P4HA1: variants seen among roughly 807,000 people sequenced by gnomAD.
P4HA1 encodes the protein prolyl 4-hydroxylase subunit alpha-1.
In P4HA1, 24 loss-of-function variants were observed where a neutral mutation model predicts 72.8. The ratio of observed to expected loss-of-function variants is 0.33; its 90% CI spans 0.24 to 0.46. The LOEUF (loss-of-function observed/expected upper bound fraction) is 0.46. Ranked by LOEUF, P4HA1 falls within the 20% of genes least tolerant of loss-of-function variation. P4HA1 has a pLI of 1.00. For synonymous variants in P4HA1, 201 were observed against 218.8 expected (o/e 0.92, Z 0.72); for missense variants, 446 against 640.6 (o/e 0.70, Z 3.28).
intron 1 of P4HA1, among the ~76,000 whole-genome samples, chr10:73,087,294 A>C (rs1003017182): frequency 7.0e-6 from 1 of 141,952 alleles, no homozygotes; most frequent in Non-Finnish European, 1.5e-5. Context: ...TTTGAGACAG[A>C]GTCTCACTCT....
intron 9 of P4HA1, among the ~76,000 whole-genome samples, chr10:73,033,613 A>C (rs1371386301): frequency 1.3e-5 from 2 of 152,184 alleles, no homozygotes; most frequent in African/African-American, 4.8e-5. Context: ...TACTCCTTTA[A>C]AACTGCAAAA....
rs149984975 is a variant in P4HA1, at chr10:73,060,589, G to C, written c.464-6999C>G. Among the ~76,000 whole-genome samples the C allele has an allele frequency of 3.0e-3, 459 of 152,230 alleles. 3 individuals are homozygous for C. The highest frequency in any genetic ancestry group is 0.015 in the South Asian group (71 of 4,822). ...ACATGGCAAGAACCTATCTCTTAAG[G>C]GGGGAAAAAGAAGGGCCAAGGCTCA... On this transcript the variant is annotated intron_variant, in intron 5 of 14. Transcript: ENST00000394890.
intron 5 of P4HA1, 33 bp downstream of exon 5, chr10:73,068,813 T>C (rs767228729): frequency 2.6e-6 from 4 of 1,565,540 alleles, no homozygotes; most frequent in Admixed American, 3.3e-5. Flanking sequence ...AGCTAGGTGA[T>C]AGGTATTTTA....
chr10:73,066,615 T>A (rs1841429798), intron 5 of P4HA1, among the ~76,000 whole-genome samples: 1 of 152,100 alleles, frequency 6.6e-6, no homozygotes, highest in Admixed American at 6.6e-5. Context: ...ACTCCTGGGC[T>A]CAAGTGATCC....
intron 5 of P4HA1, among the ~76,000 whole-genome samples, chr10:73,062,468 G>A (rs1474413427): frequency 6.6e-6 from 1 of 151,948 alleles, no homozygotes; most frequent in East Asian, 1.9e-4. Context: ...ATACAGTTCT[G>A]AGACTAAGTC....
At chr10:73,014,831 CTTT>C (rs761513290) in intron 11 of P4HA1, among the ~76,000 whole-genome samples, 19 of 139,744 alleles carry the variant, frequency 1.4e-4, no homozygotes, top group Admixed American at 4.3e-4. Context: ...TTTCTTTTTT[CTTT>C]TTTTTTTTTT....
At chr10:73,023,179 C>G (rs190624381) in intron 10 of P4HA1, among the ~76,000 whole-genome samples, 19 of 152,202 alleles carry the variant, frequency 1.2e-4, no homozygotes, top group Admixed American at 1.2e-3. Context: ...AGAGCAACCA[C>G]AAGACACGTA....
intron 9 of P4HA1, among the ~76,000 whole-genome samples, chr10:73,039,324 G>A (rs1840677511): frequency 1.3e-5 from 2 of 151,706 alleles, no homozygotes; most frequent in Admixed American, 1.3e-4. Context: ...GGGTTTGTTT[G>A]TTTTTTGAGT....
intron 9 of P4HA1, among the ~76,000 whole-genome samples, chr10:73,039,565 C>A (rs1396202231): frequency 6.6e-6 from 1 of 152,102 alleles, no homozygotes; most frequent in African/African-American, 2.4e-5. Context: ...CCTGGGCCTC[C>A]CAAAGTGCTA....
Position 73,009,922 on chromosome 10 carries a change from A to G in P4HA1, c.1438-19T>C. Reference sequence around the variant, plus strand: ...CAGTTCCCTATGGAGAACAATTCACAATTATCCCCAAGTATACAATGCCAG... The same window carrying G: ...CAGTTCCCTATGGAGAACAATTCACGATTATCCCCAAGTATACAATGCCAG... On this transcript the variant is annotated intron_variant, in intron 13 of 14. Coordinates refer to ENST00000394890, the MANE Select transcript of P4HA1 (RefSeq NM_001017962.3). 7.4e-7 allele frequency: 1 copy of G among 1,346,158 alleles called. No individual in the cohort carries two copies. The highest frequency in any genetic ancestry group is 1.1e-6 in the Non-Finnish European group (1 of 937,420). The allele number at this position is 1,346,158 out of a possible 1,614,324, so 83.4% of individuals were successfully genotyped here.
intron 12 of P4HA1, among the ~76,000 whole-genome samples, chr10:73,013,483 G>A (rs1177106944): frequency 6.6e-6 from 1 of 152,202 alleles, no homozygotes; most frequent in East Asian, 1.9e-4. Flanking sequence ...CCCAGTGCCA[G>A]GCATTTGACG....
At chr10:73,055,230 A>G (rs527933603) in intron 5 of P4HA1, among the ~76,000 whole-genome samples, 56 of 152,258 alleles carry the variant, frequency 3.7e-4, no homozygotes, top group African/African-American at 1.3e-3. Flanking sequence ...ATTGAGACAG[A>G]GTCTCACTCT....
At chr10:73,073,307 C>T (rs1024814931) in intron 3 of P4HA1, among the ~76,000 whole-genome samples, 1 of 150,642 alleles carries the variant, frequency 6.6e-6, no homozygotes, top group African/African-American at 2.4e-5. Context: ...CTGCAGCCTC[C>T]ACCTCCCGGG....
At chr10:73,093,873 A>AATATATATATAT in intron 1 of P4HA1, among the ~76,000 whole-genome samples, 57 of 29,306 alleles carry the variant, frequency 1.9e-3, no homozygotes, top group Non-Finnish European at 3.5e-3. Context: ...AAAAAAAAAA[A>AATATATATATAT]ATATATATAT....
chr10:73,045,878 A>G (rs1246971306), intron 8 of P4HA1, among the ~76,000 whole-genome samples: 3 of 151,734 alleles, frequency 2.0e-5, no homozygotes, highest in Admixed American at 6.6e-5. Flanking sequence ...TTGGCCAAAA[A>G]AAAAAAAAAC....
intron 10 of P4HA1, among the ~76,000 whole-genome samples, chr10:73,020,613 A>G (rs1478860096): frequency 6.6e-6 from 1 of 152,164 alleles, no homozygotes; most frequent in Non-Finnish European, 1.5e-5. Context: ...CACAGACATA[A>G]TGAAAAAAGA....
At chr10:73,059,742 G>GA (rs1841266745) in intron 5 of P4HA1, among the ~76,000 whole-genome samples, 1 of 148,520 alleles carries the variant, frequency 6.7e-6, no homozygotes. Context: ...GACTCCATCT[G>GA]AAAAAAATAA....
At chr10:73,061,603 T>C (rs1171040305) in intron 5 of P4HA1, among the ~76,000 whole-genome samples, 1 of 152,120 alleles carries the variant, frequency 6.6e-6, no homozygotes, top group Non-Finnish European at 1.5e-5. Flanking sequence ...GTTATGTTAC[T>C]TTTTTAAAAA....
Position 73,053,377 on chromosome 10 carries a change from A to C in P4HA1, c.677T>G (p.Leu226Trp). The C allele has an allele frequency of 6.2e-7, 1 of 1,614,190 alleles. No homozygotes were observed. Among genetic ancestry groups the C allele is most frequent in the Non-Finnish European group, 8.5e-7 (1 of 1,180,008 alleles). ...TAGTTCAAGAAGCTTCTTTGTGAGC[A>C]AAAGTGCCTTATCCAGGTCTCCCTG... ...YQQGDLDKALLLTKKLLELDP... is the reference protein window; with the variant it reads ...YQQGDLDKALWLTKKLLELDP... The change falls in exon 6 of 15, where the codon TTG becomes TGG. Residue 226 changes from leucine to tryptophan, a missense_variant. Physicochemically the swap from Leu to Trp is moderately conservative, Grantham distance 61. Coordinates refer to ENST00000394890, the MANE Select transcript of P4HA1 (RefSeq NM_001017962.3).
Sources: allele counts gnomAD v4.1 joint callset (sites outside exome capture counted in the v4.1 genomes callset), GRCh38; gene constraint gnomAD v4.1.1; transcripts MANE v1.5; gene names NCBI Gene and HGNC (gene_info 2026-07-23, HGNC 2026-07-21).